DOK5: variants seen among roughly 807,000 people sequenced by gnomAD.
DOK5 encodes the protein downstream of tyrosine kinase 5.
A neutral mutation model predicts 43.3 loss-of-function variants in DOK5; 27 were observed. That is an observed-to-expected ratio of 0.62 (90% CI 0.46 to 0.86). The LOEUF (loss-of-function observed/expected upper bound fraction) is 0.86. DOK5 is among the 40% of genes least tolerant of loss of function. The pLI is 0.00. For synonymous variants in DOK5, 146 were observed against 140.1 expected (o/e 1.04, Z -0.30); for missense variants, 373 against 392.9 (o/e 0.95, Z 0.43).
chr20:54,557,936 G>T (rs1019115713), intron 2 of DOK5, among the ~76,000 whole-genome samples: 1 of 152,138 alleles, frequency 6.6e-6, no homozygotes, highest in Non-Finnish European at 1.5e-5. Context: ...ACAAAGACAG[G>T]GATTTTTTGG....
In DOK5 at chr20:54,610,484, G is replaced by A; in HGVS notation, c.696G>A (p.Glu232=). 6.4e-7 allele frequency: 1 copy of A among 1,568,594 alleles called. No individual in the cohort carries two copies. The highest frequency in any genetic ancestry group is 2.3e-5 in the East Asian group (1 of 42,862). ...ACTCTGCTGCCTTGGCCATAGCCGA[G>A]CAGCACGAGCGCTTGCTACAGAGTG... ...KVHSAALAIA[E]QHERLLQSVK... Residue 232 remains glutamate, a synonymous_variant, in exon 6 of 8, where the codon GAG becomes GAA. Transcript: ENST00000262593.
At chr20:54,522,987 T>G (rs1321219652) in intron 1 of DOK5, among the ~76,000 whole-genome samples, 1 of 152,208 alleles carries the variant, frequency 6.6e-6, no homozygotes, top group African/African-American at 2.4e-5. Flanking sequence ...CAAAATACCT[T>G]GGCAAATGTA....
At position 54,484,990 on chromosome 20, in the gene DOK5, C is replaced by T. The variant is rs577719390; in HGVS notation, c.66+8978C>T. ...CTCTGATCATACTACTATACTTCAGCCTGAACGACAGAGCAAGATGAGACT... is the reference window on the plus strand; with the variant it reads ...CTCTGATCATACTACTATACTTCAGTCTGAACGACAGAGCAAGATGAGACT... On this transcript the variant is annotated intron_variant, in intron 1 of 7. Transcript: ENST00000262593. Among the ~76,000 whole-genome samples the T allele has an allele frequency of 2.6e-5, 4 of 152,272 alleles. No individual in the cohort carries two copies. The South Asian group carries it at 8.3e-4, about 32-fold the overall frequency.
intron 2 of DOK5, among the ~76,000 whole-genome samples, chr20:54,580,130 T>C (rs911962871): frequency 4.6e-5 from 7 of 152,106 alleles, no homozygotes; most frequent in Non-Finnish European, 1.0e-4. Flanking sequence ...TATGGCTGCA[T>C]AATATTGCAT....
At chr20:54,506,901 G>A (rs56977264) in intron 1 of DOK5, among the ~76,000 whole-genome samples, 3,977 of 152,256 alleles carry the variant, frequency 0.026, 169 homozygotes, top group African/African-American at 0.09. Context: ...GCAGCTTTCG[G>A]GGAATCACAG....
intron 5 of DOK5, among the ~76,000 whole-genome samples, chr20:54,609,197 TGAG>T: frequency 6.6e-6 from 1 of 152,348 alleles, no homozygotes; most frequent in Non-Finnish European, 1.5e-5. Context: ...TGGTTTAGGC[TGAG>T]AATTTGCTTA....
chr20:54,478,534 A>G (rs1981531430), intron 1 of DOK5, among the ~76,000 whole-genome samples: 1 of 152,232 alleles, frequency 6.6e-6, no homozygotes, highest in South Asian at 2.1e-4. Flanking sequence ...ACCTTTAGGA[A>G]CTAATACAAC....
intron 5 of DOK5, among the ~76,000 whole-genome samples, chr20:54,592,784 G>A (rs564077452): frequency 2.0e-5 from 3 of 152,076 alleles, no homozygotes; most frequent in East Asian, 1.9e-4. Context: ...CTCGCGCTTC[G>A]GCCTTCCAAA....
chr20:54,514,033 CA>C (rs1358709606), intron 1 of DOK5, among the ~76,000 whole-genome samples: 1 of 152,144 alleles, frequency 6.6e-6, no homozygotes, highest in East Asian at 1.9e-4. Context: ...TTTTTGTACT[CA>C]TTGTGCACTG....
At chr20:54,482,374 G>A (rs764685756) in intron 1 of DOK5, among the ~76,000 whole-genome samples, 13 of 152,104 alleles carry the variant, frequency 8.5e-5, no homozygotes, top group African/African-American at 1.4e-4. Flanking sequence ...TGCCACAAAC[G>A]CTTTCATGTT....
intron 1 of DOK5, among the ~76,000 whole-genome samples, chr20:54,529,452 A>G (rs1983689102): frequency 6.6e-6 from 1 of 152,144 alleles, no homozygotes; most frequent in South Asian, 2.1e-4. Flanking sequence ...ATGCAAGATG[A>G]GGATGATTTT....
At chr20:54,495,137 A>T (rs1982343407) in intron 1 of DOK5, 1 of 152,252 alleles carries the variant, frequency 6.6e-6, no homozygotes, top group Non-Finnish European at 1.5e-5. Context: ...AAAAAAAATA[A>T]AAAAGAAAAT....
At position 54,588,581 on chromosome 20, in the gene DOK5, T is replaced by G. The variant is rs368190048; in HGVS notation, c.273T>G (p.Thr91=). ...GIYFNDDTSK[T]FACESDLEAD... ...ATTTCAATGACGATACCTCCAAGAC[T>G]TTTGCTTGCGAATCAGGTTTGTCTC... Residue 91 remains threonine (T), a synonymous_variant, in exon 3 of 8, where the codon ACT becomes ACG. Transcript: ENST00000262593. The G allele has an allele frequency of 5.0e-6, 8 of 1,614,144 alleles. No homozygotes were observed. In the African/African-American group the frequency reaches 1.1e-4, roughly 22 times the overall value.
intron 1 of DOK5, among the ~76,000 whole-genome samples, chr20:54,554,202 T>C (rs1307292824): frequency 1.3e-5 from 2 of 152,188 alleles, no homozygotes; most frequent in African/African-American, 4.8e-5. Flanking sequence ...AGGCTAGATC[T>C]CAGTATTAGG....
At chr20:54,567,212 T>G (rs144573220) in intron 2 of DOK5, among the ~76,000 whole-genome samples, 2 of 152,290 alleles carry the variant, frequency 1.3e-5, no homozygotes, top group African/African-American at 2.4e-5. Flanking sequence ...AATTTTTACC[T>G]TTATTGTTCA....
At chr20:54,486,929 C>T (rs537981661) in intron 1 of DOK5, among the ~76,000 whole-genome samples, 103 of 152,064 alleles carry the variant, frequency 6.8e-4, no homozygotes, top group African/African-American at 2.1e-3. Flanking sequence ...CATATTCCAG[C>T]GGAAGAGTCA....
intron 1 of DOK5, among the ~76,000 whole-genome samples, chr20:54,508,402 C>A (rs1464292596): frequency 1.3e-5 from 2 of 150,076 alleles, no homozygotes; most frequent in Non-Finnish European, 3.0e-5. Flanking sequence ...CAGAATTGCA[C>A]AGGCAAAGGG....
At chr20:54,557,122 T>C (rs1481536931) in intron 2 of DOK5, among the ~76,000 whole-genome samples, 2 of 152,272 alleles carry the variant, frequency 1.3e-5, no homozygotes, top group East Asian at 3.9e-4. Flanking sequence ...TGCCAAATTC[T>C]TGGGCTTCTA....
Position 54,475,665 on chromosome 20 carries a change from A to C in DOK5, c.-282A>C. 2.0e-6 allele frequency: 1 copy of C among 512,240 alleles called. No homozygotes were observed. 31.7% of individuals were successfully genotyped at this position (512,240 alleles called of 1,614,324 possible). A position where few individuals can be genotyped will look rare whatever the true frequency, so the allele number is the denominator to read the frequency against. On this transcript the variant is annotated 5_prime_UTR_variant, in exon 1 of 8. Transcript: ENST00000262593. The surrounding 1 kb of genome is among the most constrained non-coding windows in gnomAD (Gnocchi z 4.2). ...AGCCGCCGCCGCTCCTCCTCCTGGC[A>C]GGCCGGCCGCGGAGTCAGCTGACGC... is the stretch of plus-strand genomic sequence containing the variant.
Sources: gnomAD v4.1 joint callset for allele counts (sites outside exome capture counted in the v4.1 genomes callset) on GRCh38, gnomAD v4.1.1 for gene constraint, Gnocchi (gnomAD v3.1) non-coding constraint, MANE v1.5 for transcripts, NCBI Gene and HGNC (gene_info 2026-07-23, HGNC 2026-07-21) for gene names.